MSI2: variants seen among roughly 807,000 people sequenced by gnomAD.
The protein encoded by MSI2 is musashi RNA binding protein 2.
A neutral mutation model predicts 45.6 loss-of-function variants in MSI2; 17 were observed. The observed-to-expected ratio is 0.37, with a 90% CI of 0.26 to 0.56. The LOEUF (loss-of-function observed/expected upper bound fraction) is 0.56. Among genes scored for constraint, MSI2 ranks in the 20% least tolerant of loss-of-function variants. The pLI is 0.77. For missense variants in MSI2, 293 were observed against 444.2 expected (o/e 0.66, Z 3.06); for synonymous variants, 156 against 158.2 (o/e 0.99, Z 0.11).
At chr17:57,446,812 C>A (rs536716305) in intron 6 of MSI2, among the ~76,000 whole-genome samples, 2 of 152,168 alleles carry the variant, frequency 1.3e-5, no homozygotes, top group Non-Finnish European at 2.9e-5. Flanking sequence ...GGAACCCACA[C>A]GGACAAAAGG....
intron 9 of MSI2, chr17:57,626,968 C>G: frequency 1.8e-6 from 1 of 561,430 alleles, no homozygotes; most frequent in East Asian, 3.0e-5. Context: ...ATGGCATTTA[C>G]TCTGAAGGTT....
intron 6 of MSI2, among the ~76,000 whole-genome samples, chr17:57,442,571 T>G (rs2084820222): frequency 6.6e-6 from 1 of 152,168 alleles, no homozygotes; most frequent in Non-Finnish European, 1.5e-5. Flanking sequence ...ATGGGTGTTT[T>G]GTTCTCCACT....
At chr17:57,435,337 TGTGATGGCACCTGGTGTGTTG>T (rs1221390094) in intron 6 of MSI2, among the ~76,000 whole-genome samples, 12 of 152,078 alleles carry the variant, frequency 7.9e-5, no homozygotes, top group African/African-American at 2.9e-4. Context: ...GGAAGACAGG[TGTGATGGCACCTGGTGTGTTG>T]GGGAAGAGGC....
At chr17:57,418,447 C>T (rs2084335792) in intron 6 of MSI2, among the ~76,000 whole-genome samples, 1 of 152,198 alleles carries the variant, frequency 6.6e-6, no homozygotes, top group Non-Finnish European at 1.5e-5. Flanking sequence ...TAAGTAGCTG[C>T]AAATAATAAG....
At chr17:57,410,649 T>C (rs1205682451) in intron 6 of MSI2, among the ~76,000 whole-genome samples, 1 of 150,990 alleles carries the variant, frequency 6.6e-6, no homozygotes. Flanking sequence ...AAGTCGTTTT[T>C]AGGTGGTCTG....
chr17:57,578,779 A>G (rs747163811), intron 7 of MSI2, among the ~76,000 whole-genome samples: 8 of 152,118 alleles, frequency 5.3e-5, no homozygotes, highest in Non-Finnish European at 8.8e-5. Flanking sequence ...CAAGTTTCAT[A>G]AGCGTGGAAC....
intron 10 of MSI2, chr17:57,631,417 C>G (rs1332701854): frequency 1.5e-5 from 3 of 203,328 alleles, no homozygotes; most frequent in Admixed American, 6.0e-5. Context: ...CTTAGTAGAG[C>G]CTCATTCTCA....
At chr17:57,593,911 G>T (rs919738013) in intron 7 of MSI2, among the ~76,000 whole-genome samples, 3 of 152,292 alleles carry the variant, frequency 2.0e-5, no homozygotes, top group African/African-American at 7.2e-5. Flanking sequence ...GTGCCTGTTC[G>T]TGAATTGTGC....
At chr17:57,445,651 T>A (rs1243581947) in intron 6 of MSI2, among the ~76,000 whole-genome samples, 2 of 152,156 alleles carry the variant, frequency 1.3e-5, no homozygotes, top group East Asian at 3.8e-4. Context: ...TTGGTTCTAT[T>A]AGACAATGTT....
chr17:57,369,662 G>A (rs2083392316), intron 5 of MSI2, among the ~76,000 whole-genome samples: 1 of 152,174 alleles, frequency 6.6e-6, no homozygotes, highest in Admixed American at 6.5e-5. Context: ...AGGGGCCCAG[G>A]GCCCACATGT....
intron 5 of MSI2, among the ~76,000 whole-genome samples, chr17:57,367,099 G>C (rs1288757813): frequency 1.3e-5 from 2 of 152,172 alleles, no homozygotes; most frequent in Non-Finnish European, 2.9e-5. Flanking sequence ...ATCTAAATTA[G>C]ACTTGCAAAC....
At chr17:57,415,634 A>G (rs1321932845) in intron 6 of MSI2, among the ~76,000 whole-genome samples, 4 of 152,040 alleles carry the variant, frequency 2.6e-5, no homozygotes, top group Non-Finnish European at 4.4e-5. Flanking sequence ...CCCTGCCTGC[A>G]TTCCCTTTCT....
intron 9 of MSI2, chr17:57,626,395 C>T (rs1221708796): frequency 1.3e-5 from 2 of 152,132 alleles, no homozygotes; most frequent in Non-Finnish European, 2.9e-5. Flanking sequence ...CTGAATGACA[C>T]CTCACATCAC....
At position 57,681,469 on chromosome 17, in the gene MSI2, C is replaced by T. The variant is rs1240643907; in HGVS notation, c.*1952C>T. ...CGACATTTATTATAAAGAGCTGCTG[C>T]ACTCCTATTTTTATAAATTTTACTA... On this transcript the variant is annotated 3_prime_UTR_variant, in exon 14 of 14. Coordinates refer to ENST00000284073, the MANE Select transcript of MSI2 (RefSeq NM_138962.4). 1 of 180,978 alleles carries T rather than the reference C, an allele frequency of 5.5e-6. No homozygotes were observed. Among genetic ancestry groups the T allele is most frequent in the Admixed American group, 6.3e-5 (1 of 15,928 alleles). 11.2% of individuals were successfully genotyped at this position (180,978 alleles called of 1,614,324 possible).
intron 6 of MSI2, among the ~76,000 whole-genome samples, chr17:57,428,327 A>G (rs773231673): frequency 2.1e-4 from 32 of 152,136 alleles, no homozygotes; most frequent in Non-Finnish European, 4.4e-4. Flanking sequence ...GGCTCAAGCA[A>G]TCCTCCCACC....
intron 8 of MSI2, among the ~76,000 whole-genome samples, chr17:57,613,645 T>G (rs1907392443): frequency 6.6e-6 from 1 of 152,198 alleles, no homozygotes; most frequent in Non-Finnish European, 1.5e-5. Context: ...TCAGAAACCC[T>G]TACATCAAAC....
intron 5 of MSI2, among the ~76,000 whole-genome samples, chr17:57,283,783 C>T (rs752125165): frequency 2.1e-4 from 32 of 152,326 alleles, no homozygotes; most frequent in East Asian, 1.2e-3. Context: ...CACACGCGCA[C>T]GCGCACTCCC....
At chr17:57,324,212 C>T (rs1354995013) in intron 5 of MSI2, among the ~76,000 whole-genome samples, 5 of 152,254 alleles carry the variant, frequency 3.3e-5, no homozygotes, top group African/African-American at 9.6e-5. Context: ...GAGGGGTGGC[C>T]GGGAGAGTCT....
chr17:57,314,861 C>T (rs975476417), intron 5 of MSI2, among the ~76,000 whole-genome samples: 2 of 152,130 alleles, frequency 1.3e-5, no homozygotes, highest in South Asian at 2.1e-4. Flanking sequence ...TGAACTCCTG[C>T]GCCCGGCCGC....
Sources: allele counts gnomAD v4.1 joint callset (sites outside exome capture counted in the v4.1 genomes callset), GRCh38; gene constraint gnomAD v4.1.1; transcripts MANE v1.5; gene names NCBI Gene and HGNC (gene_info 2026-07-23, HGNC 2026-07-21).